The following CCSER1 variants were observed in gnomAD, a reference collection of about 807,000 sequenced individuals.
The protein encoded by CCSER1 is coiled-coil serine rich protein 1, also known as serine-rich coiled-coil domain-containing protein 1.
CCSER1 carries 41 observed loss-of-function variants against 82.0 expected under a neutral mutation model. The ratio of observed to expected loss-of-function variants is 0.50; its 90% CI spans 0.39 to 0.65. The LOEUF (loss-of-function observed/expected upper bound fraction) is 0.65, where lower values mean the gene tolerates loss of function less well. Among genes scored for constraint, CCSER1 ranks in the 30% least tolerant of loss-of-function variants. The pLI is 0.00. For missense variants in CCSER1, 1,119 were observed against 1,064.2 expected (o/e 1.05, Z -0.72); for synonymous variants, 414 against 383.9 (o/e 1.08, Z -0.92).
intron 5 of CCSER1, among the ~76,000 whole-genome samples, chr4:90,478,897 C>T (rs372613104): frequency 2.3e-4 from 35 of 152,024 alleles, no homozygotes; most frequent in East Asian, 1.6e-3. Context: ...CGTGCCACCA[C>T]ACTCGGCTAA....
intron 8 of CCSER1, among the ~76,000 whole-genome samples, chr4:90,822,521 G>A (rs1162566648): frequency 2.0e-5 from 3 of 152,166 alleles, no homozygotes; most frequent in Admixed American, 6.5e-5. Context: ...GAGGTCAGGA[G>A]TTTGAGTCCA....
intron 10 of CCSER1, among the ~76,000 whole-genome samples, chr4:91,461,860 G>A (rs1479277220): frequency 6.6e-6 from 1 of 152,196 alleles, no homozygotes; most frequent in Non-Finnish European, 1.5e-5. Flanking sequence ...AGCAGTAGGA[G>A]TCTATCCTTC....
In CCSER1 at chr4:90,307,333, C is replaced by T. The variant is rs141226306; in HGVS notation, c.-41-911C>T. ...TCTCTCAGTATGTATTGTCACTTCT[C>T]TCAAGGTTACCAACTGTCTTAGTTT... On this transcript the variant is annotated intron_variant, in intron 1 of 10. Coordinates refer to ENST00000509176, the MANE Select transcript of CCSER1 (RefSeq NM_001145065.2). 6.6e-5 allele frequency among the ~76,000 whole-genome samples: 10 copies of T among 152,174 alleles called. No homozygotes were observed. In the East Asian group the frequency reaches 1.9e-3, roughly 29 times the overall value.
chr4:90,269,270 G>C (rs1327379712), intron 1 of CCSER1, among the ~76,000 whole-genome samples: 1 of 152,084 alleles, frequency 6.6e-6, no homozygotes, highest in Non-Finnish European at 1.5e-5. Flanking sequence ...CTCAAGGATA[G>C]ACCATATGTT....
intron 3 of CCSER1, among the ~76,000 whole-genome samples, chr4:90,347,084 A>T (rs976609561): frequency 1.3e-5 from 2 of 152,104 alleles, no homozygotes; most frequent in Non-Finnish European, 2.9e-5. Context: ...TTTTGTTTGT[A>T]TGTTTATAAC....
chr4:90,386,089 A>T (rs1749993902), intron 3 of CCSER1, among the ~76,000 whole-genome samples: 1 of 152,202 alleles, frequency 6.6e-6, no homozygotes, highest in African/African-American at 2.4e-5. Context: ...TACCCAAAGC[A>T]ATCGACAGAT....
intron 10 of CCSER1, among the ~76,000 whole-genome samples, chr4:91,130,472 A>T (rs1257243902): frequency 1.3e-5 from 2 of 151,800 alleles, no homozygotes; most frequent in African/African-American, 4.8e-5. Flanking sequence ...TGTGATAGTG[A>T]TCTGTTTTAT....
At chr4:90,346,199 T>C (rs1333768427) in intron 3 of CCSER1, among the ~76,000 whole-genome samples, 1 of 152,100 alleles carries the variant, frequency 6.6e-6, no homozygotes, top group Admixed American at 6.6e-5. Context: ...TTTGTAAATT[T>C]ATAGAAATGT....
chr4:90,776,288 G>A (rs767994089), intron 7 of CCSER1, among the ~76,000 whole-genome samples: 6 of 152,220 alleles, frequency 3.9e-5, no homozygotes, highest in Non-Finnish European at 7.4e-5. Flanking sequence ...TCACCTCATA[G>A]TTACTAAAAG....
chr4:91,383,676 G>A (rs1751085074), intron 10 of CCSER1, among the ~76,000 whole-genome samples: 1 of 152,044 alleles, frequency 6.6e-6, no homozygotes. Context: ...TATTTACTAT[G>A]TTGCTCCGTA....
intron 6 of CCSER1, among the ~76,000 whole-genome samples, chr4:90,655,610 A>G (rs1205775875): frequency 6.6e-6 from 1 of 151,920 alleles, no homozygotes; most frequent in Non-Finnish European, 1.5e-5. Flanking sequence ...GATCTTTTTG[A>G]TACAGATCTG....
chr4:90,445,847 A>G (rs1760575771), intron 4 of CCSER1, among the ~76,000 whole-genome samples: 1 of 152,112 alleles, frequency 6.6e-6, no homozygotes. Context: ...TCTTGACTTG[A>G]TTATGTATTT....
chr4:90,630,716 C>T (rs574042489), intron 6 of CCSER1, among the ~76,000 whole-genome samples: 158 of 151,746 alleles, frequency 1.0e-3, no homozygotes, highest in African/African-American at 3.7e-3. Flanking sequence ...GTTCCCTAAG[C>T]CAGGAAGTTT....
chr4:91,221,593 T>C (rs965528442), intron 10 of CCSER1, among the ~76,000 whole-genome samples: 1 of 152,168 alleles, frequency 6.6e-6, no homozygotes, highest in Admixed American at 6.6e-5. Context: ...GCTTATCTGT[T>C]AATAAAATTA....
chr4:90,726,150 C>T (rs754779806), intron 7 of CCSER1, among the ~76,000 whole-genome samples: 1 of 151,854 alleles, frequency 6.6e-6, no homozygotes, highest in African/African-American at 2.4e-5. Context: ...TGTATTTACT[C>T]CACTTTCTTA....
At chr4:91,247,763 G>A (rs1739912430) in intron 10 of CCSER1, among the ~76,000 whole-genome samples, 1 of 152,148 alleles carries the variant, frequency 6.6e-6, no homozygotes, top group South Asian at 2.1e-4. Flanking sequence ...CAGCTACTTG[G>A]GAGCTGAGAC....
At chr4:90,184,328 G>A (rs979529585) in intron 1 of CCSER1, among the ~76,000 whole-genome samples, 6 of 152,108 alleles carry the variant, frequency 3.9e-5, no homozygotes, top group Admixed American at 3.9e-4. Flanking sequence ...TTGGGAGTTG[G>A]CAGAAAGATT....
At chr4:90,863,423 T>C (rs935118390) in intron 8 of CCSER1, among the ~76,000 whole-genome samples, 1 of 151,974 alleles carries the variant, frequency 6.6e-6, no homozygotes, top group Admixed American at 6.6e-5. Flanking sequence ...ATTTTCTTTT[T>C]CAGTCAGATG....
intron 7 of CCSER1, among the ~76,000 whole-genome samples, chr4:90,814,487 A>G (rs1235208708): frequency 6.6e-6 from 1 of 152,088 alleles, no homozygotes; most frequent in Non-Finnish European, 1.5e-5. Context: ...TTTCTACCTC[A>G]TGGTCAGGCT....
Sources: gnomAD v4.1 joint callset for allele counts (sites outside exome capture counted in the v4.1 genomes callset) on GRCh38, gnomAD v4.1.1 for gene constraint, MANE v1.5 for transcripts, NCBI Gene and HGNC (gene_info 2026-07-23, HGNC 2026-07-21) for gene names.